P2RY8: variants seen among roughly 807,000 people sequenced by gnomAD.
P2RY8 encodes the protein P2Y receptor family member 8, also known as S-geranylgeranyl-glutathione receptor P2RY8.
Under a neutral mutation model 10.0 loss-of-function variants are expected in P2RY8, and 6 were observed. That is an observed-to-expected ratio of 0.60 (90% CI 0.33 to 1.19). The LOEUF is 1.19. Among genes scored for constraint, P2RY8 ranks in the 50% most tolerant of loss-of-function variants. P2RY8 has a pLI of 0.04. For synonymous variants in P2RY8, 276 were observed against 252.5 expected, an observed-to-expected ratio of 1.09 and a Z score of -0.88; for missense variants, 456 against 542.0, an observed-to-expected ratio of 0.84 and a Z score of 1.58.
intron 1 of P2RY8, among the ~76,000 whole-genome samples, chrX:1,512,713 GA>G (rs1342398063): frequency 2.0e-5 from 3 of 152,008 alleles, no homozygotes; most frequent in Non-Finnish European, 4.4e-5. Context: ...GAGAAAAGGG[GA>G]AAGTCCCCTT....
chrX:1,534,074 TATATA>T (rs1207256726), intron 1 of P2RY8, among the ~76,000 whole-genome samples: 1 of 129,812 alleles, frequency 7.7e-6, no homozygotes, highest in Non-Finnish European at 1.5e-5. Context: ...ATATTATTTA[TATATA>T]ATATATTTAC....
rs1569538687 is a variant in P2RY8 at position 1,524,447 on chromosome X, AT to A, written c.-25+12473del. Among the ~76,000 whole-genome samples the A allele has an allele frequency of 4.8e-3, 627 of 131,872 alleles. 58 individuals carry two copies. The highest frequency in any genetic ancestry group is 0.016 in the African/African-American group (569 of 35,440). The allele number at this position is 131,872 out of a possible 152,430, so 86.5% of individuals were successfully genotyped here. ...CATCCATCCATCCATCCATTCATCC[AT>A]CTATCCATCCATCCATCCATCCATT... On this transcript the variant is annotated intron_variant, in intron 1 of 1. Coordinates refer to ENST00000381297, the MANE Select transcript of P2RY8 (RefSeq NM_178129.5).
intron 1 of P2RY8, among the ~76,000 whole-genome samples, chrX:1,506,265 T>A (rs2092232553): frequency 6.6e-6 from 1 of 152,156 alleles, no homozygotes; most frequent in Non-Finnish European, 1.5e-5. Flanking sequence ...ACTGCTGGGA[T>A]GACGGGTGTG....
chrX:1,501,224 A>G (rs1267113707), intron 1 of P2RY8, among the ~76,000 whole-genome samples: 5 of 151,984 alleles, frequency 3.3e-5, no homozygotes, highest in African/African-American at 1.2e-4. Flanking sequence ...CTTACATCTG[A>G]ATGTTTTCGG....
At chrX:1,471,271 G>A (rs1338721191) in intron 1 of P2RY8, among the ~76,000 whole-genome samples, 2 of 147,074 alleles carry the variant, frequency 1.4e-5, no homozygotes, top group Non-Finnish European at 3.0e-5. Context: ...GTCTCCCAAA[G>A]TGCTGGGACT....
At chrX:1,528,807 C>T (rs1456979471) in intron 1 of P2RY8, among the ~76,000 whole-genome samples, 2 of 144,810 alleles carry the variant, frequency 1.4e-5, no homozygotes, top group African/African-American at 5.2e-5. Flanking sequence ...TCTTTGATTG[C>T]GTGTGGGTTT....
chrX:1,509,420 A>C, intron 1 of P2RY8, among the ~76,000 whole-genome samples: 1 of 95,008 alleles, frequency 1.1e-5, no homozygotes, highest in African/African-American at 4.3e-5. Context: ...ATCTATTTCT[A>C]TTATCTATCT....
Position 1,464,508 on chromosome X carries a change from G to GCT in P2RY8, c.*970_*971insAG. The GCT allele has an allele frequency of 4.3e-6, 1 of 233,508 alleles. No individual in the cohort carries two copies. Among genetic ancestry groups the GCT allele is most frequent in the Non-Finnish European group, 8.5e-6 (1 of 118,276 alleles). 14.5% of individuals were successfully genotyped at this position (233,508 alleles called of 1,614,324 possible). ...CTTGCCATGGCTGAGGCTCTCCATG[G>GCT]GGTAAAAGGACGCGGAGAATGGGCA... On this transcript the variant is annotated 3_prime_UTR_variant, in exon 2 of 2. Coordinates refer to ENST00000381297, the MANE Select transcript of P2RY8 (RefSeq NM_178129.5).
At chrX:1,502,919 A>G (rs1328681628) in intron 1 of P2RY8, among the ~76,000 whole-genome samples, 2 of 150,346 alleles carry the variant, frequency 1.3e-5, no homozygotes, top group African/African-American at 2.5e-5. Context: ...ATCCAATTGT[A>G]ATGGGTTGAA....
At chrX:1,499,576 G>A (rs1229500980) in intron 1 of P2RY8, among the ~76,000 whole-genome samples, 5 of 151,890 alleles carry the variant, frequency 3.3e-5, no homozygotes, top group East Asian at 3.9e-4. Context: ...AATGTTTCAC[G>A]TACTATGTAT....
At chrX:1,487,814 TA>T (rs1396447581) in intron 1 of P2RY8, among the ~76,000 whole-genome samples, 1 of 151,814 alleles carries the variant, frequency 6.6e-6, no homozygotes, top group Non-Finnish European at 1.5e-5. Context: ...AGAATACGGG[TA>T]AAAAAGAAGG....
intron 1 of P2RY8, among the ~76,000 whole-genome samples, chrX:1,476,728 C>T (rs1430310227): frequency 6.6e-6 from 1 of 152,096 alleles, no homozygotes; most frequent in Non-Finnish European, 1.5e-5. Flanking sequence ...ATGTAGGAAA[C>T]ATCCCTGGTT....
intron 1 of P2RY8, among the ~76,000 whole-genome samples, chrX:1,498,369 G>A (rs1292850360): frequency 7.6e-6 from 1 of 131,062 alleles, no homozygotes; most frequent in Non-Finnish European, 1.6e-5. Context: ...TCGCGCCACT[G>A]CACTCCAGCC....
Position 1,465,618 on chromosome X carries a change from G to A in P2RY8, c.941C>T (p.Pro314Leu), listed in dbSNP as rs770865494. 1.2e-6 allele frequency: 2 copies of A among 1,613,314 alleles called. No homozygotes were observed. The highest frequency in any genetic ancestry group is 2.7e-5 in the African/African-American group (2 of 75,046). The change falls in exon 2 of 2, where the codon CCC (proline) becomes CTC (leucine). Residue 314 changes from proline (P) to leucine (L), a missense_variant. Pro to Leu is a moderately conservative substitution (Grantham distance 98, BLOSUM62 -3). Transcript: ENST00000381297. ...LREYLGCRRVPRDTLDTRRES... is the reference protein window; with the variant it reads ...LREYLGCRRVLRDTLDTRRES... ...GCGGCGCGTGTCCAGGGTGTCTCTG[G>A]GCACCCGGCGGCAGCCCAAATATTC...
chrX:1,477,427 A>T (rs2091888545), intron 1 of P2RY8, among the ~76,000 whole-genome samples: 1 of 152,172 alleles, frequency 6.6e-6, no homozygotes, highest in Non-Finnish European at 1.5e-5. Flanking sequence ...ATCAATTATG[A>T]ATCAATCATC....
chrX:1,529,421 G>A (rs1397984633), intron 1 of P2RY8, among the ~76,000 whole-genome samples: 1 of 152,076 alleles, frequency 6.6e-6, no homozygotes, highest in Non-Finnish European at 1.5e-5. Flanking sequence ...CTCTCACCCT[G>A]TGGTTCAGAA....
intron 1 of P2RY8, among the ~76,000 whole-genome samples, chrX:1,506,315 G>A (rs1276675430): frequency 6.6e-6 from 1 of 151,942 alleles, no homozygotes; most frequent in Non-Finnish European, 1.5e-5. Context: ...CTTAAAACAT[G>A]CTCCCCTGTG....
chrX:1,482,810 C>G (rs5948807), intron 1 of P2RY8, among the ~76,000 whole-genome samples: 147,399 of 151,952 alleles, frequency 0.97, 71,629 homozygotes, highest in East Asian at 1. Context: ...GGATGAAGCT[C>G]GAAACCATCA....
intron 1 of P2RY8, among the ~76,000 whole-genome samples, chrX:1,525,950 A>C (rs5948937): frequency 6.6e-6 from 1 of 151,274 alleles, no homozygotes; most frequent in Non-Finnish European, 1.5e-5. Flanking sequence ...CCATCCACTT[A>C]TCAATACACC....
Sources: allele counts gnomAD v4.1 joint callset (sites outside exome capture counted in the v4.1 genomes callset), GRCh38; gene constraint gnomAD v4.1.1; transcripts MANE v1.5; gene names NCBI Gene and HGNC (gene_info 2026-07-23, HGNC 2026-07-21).